INPP4B: variants seen among roughly 807,000 people sequenced by gnomAD.
INPP4B encodes inositol polyphosphate-4-phosphatase type II B, also known as inositol polyphosphate 4-phosphatase type II.
In INPP4B, 55 loss-of-function variants were observed where a neutral mutation model predicts 122.5. The ratio of observed to expected loss-of-function variants is 0.45; its 90% CI spans 0.36 to 0.56. INPP4B has a LOEUF of 0.56. INPP4B is among the 20% of genes least tolerant of loss of function. The probability of loss-of-function intolerance (pLI) is 0.00; values close to 1 mark genes in which losing one functional copy is unlikely to be tolerated. For missense variants in INPP4B, 1,000 were observed against 1,097.7 expected (o/e 0.91, Z 1.26); for synonymous variants, 403 against 388.7 (o/e 1.04, Z -0.43).
At position 142,028,379 on chromosome 4, in the gene INPP4B, A is replaced by AAATATGTTCCTTTTCCCC. The variant is rs1553951540; in HGVS notation, c.*385_*402dup. The AAATATGTTCCTTTTCCCC allele has an allele frequency of 1.3e-5, 3 of 235,732 alleles. No individual in the cohort carries two copies. The highest frequency in any genetic ancestry group is 6.6e-5 in the African/African-American group (3 of 45,286). 14.6% of individuals were successfully genotyped at this position (235,732 alleles called of 1,614,324 possible). A position where few individuals can be genotyped will look rare whatever the true frequency, so the allele number is the denominator to read the frequency against. ...AGGCTATTAAGTTGTATCACAAAAA[A>AAATATGTTCCTTTTCCCC]AATATGTTCCTTTTCCCCCTCTCCT... On this transcript the variant is annotated 3_prime_UTR_variant, in exon 26 of 26. Coordinates refer to ENST00000262992, the MANE Select transcript of INPP4B (RefSeq NM_001101669.3).
intron 2 of INPP4B, among the ~76,000 whole-genome samples, chr4:142,581,292 C>T (rs983902045): frequency 2.0e-5 from 3 of 151,984 alleles, no homozygotes; most frequent in African/African-American, 7.2e-5. Context: ...ACAAGAAAAG[C>T]ACTCAAGTAT....
intron 24 of INPP4B, among the ~76,000 whole-genome samples, chr4:142,083,115 A>C (rs63592166): frequency 6.7e-6 from 1 of 150,326 alleles, no homozygotes; most frequent in African/African-American, 2.5e-5. Context: ...AAAAAAAAAA[A>C]CCTCCCAAAT....
intron 8 of INPP4B, among the ~76,000 whole-genome samples, chr4:142,307,346 C>G (rs1763790500): frequency 6.6e-6 from 1 of 152,046 alleles, no homozygotes; most frequent in African/African-American, 2.4e-5. Flanking sequence ...TCTCTATTGA[C>G]ACTTATGACC....
At chr4:142,714,042 A>C (rs1342795488) in intron 2 of INPP4B, among the ~76,000 whole-genome samples, 1 of 152,216 alleles carries the variant, frequency 6.6e-6, no homozygotes, top group Non-Finnish European at 1.5e-5. Flanking sequence ...GGATTAAACA[A>C]AGTTAAACAG....
chr4:142,677,829 C>T (rs942596753), intron 2 of INPP4B, among the ~76,000 whole-genome samples: 1 of 151,880 alleles, frequency 6.6e-6, no homozygotes, highest in Non-Finnish European at 1.5e-5. Context: ...ACATCATATA[C>T]TGGGGTCTGC....
intron 1 of INPP4B, among the ~76,000 whole-genome samples, chr4:142,754,241 T>C: frequency 6.6e-6 from 1 of 152,062 alleles, no homozygotes; most frequent in East Asian, 1.9e-4. Context: ...GGGGTTTCTT[T>C]TGCACTCAAT....
chr4:142,075,271 G>A (rs973273829), intron 25 of INPP4B, among the ~76,000 whole-genome samples: 5 of 151,900 alleles, frequency 3.3e-5, no homozygotes, highest in African/African-American at 1.2e-4. Flanking sequence ...ACCTCCAGAG[G>A]TGGGGCTCCT....
intron 7 of INPP4B, among the ~76,000 whole-genome samples, chr4:142,328,638 T>A (rs924906847): frequency 4.5e-4 from 69 of 152,338 alleles, no homozygotes; most frequent in African/African-American, 1.6e-3. Context: ...CAGTATATTT[T>A]TTTTGGTTTT....
chr4:142,649,364 G>A (rs1752456844), intron 2 of INPP4B, among the ~76,000 whole-genome samples: 1 of 152,208 alleles, frequency 6.6e-6, no homozygotes, highest in East Asian at 1.9e-4. Context: ...GCTGGAGAGA[G>A]AAAGACTTTG....
intron 23 of INPP4B, among the ~76,000 whole-genome samples, chr4:142,096,389 T>C (rs1010160959): frequency 2.0e-5 from 3 of 152,120 alleles, no homozygotes; most frequent in Non-Finnish European, 4.4e-5. Flanking sequence ...CATTGCAACA[T>C]AGATAGTAAC....
At chr4:142,166,398 AT>A (rs1219116070) in intron 16 of INPP4B, among the ~76,000 whole-genome samples, 2 of 151,918 alleles carry the variant, frequency 1.3e-5, no homozygotes, top group Non-Finnish European at 2.9e-5. Flanking sequence ...CTCAAGATAG[AT>A]TAAAGATTTA....
At chr4:142,320,540 G>A (rs1304386030) in intron 7 of INPP4B, among the ~76,000 whole-genome samples, 1 of 152,168 alleles carries the variant, frequency 6.6e-6, no homozygotes, top group Non-Finnish European at 1.5e-5. Context: ...AACATGTGGT[G>A]TTTGGTTACA....
At chr4:142,629,693 C>T (rs761121911) in intron 2 of INPP4B, among the ~76,000 whole-genome samples, 1 of 152,024 alleles carries the variant, frequency 6.6e-6, no homozygotes, top group African/African-American at 2.4e-5. Context: ...TTCACTGTGA[C>T]AAGAATTAAG....
At position 142,292,155 on chromosome 4, in the gene INPP4B, T is replaced by C. The variant is rs192451842; in HGVS notation, c.503+13303A>G. On this transcript the variant is annotated intron_variant, in intron 9 of 25. Transcript: ENST00000262992. ...AAAACTTTATTTTTCTATTAAAGTA[T>C]AGGAGATCCTTTTCTTTAAATCTGG... Among the ~76,000 whole-genome samples the C allele has an allele frequency of 2.0e-5, 3 of 152,362 alleles. No homozygotes were observed. In the East Asian group the frequency reaches 5.8e-4, roughly 29 times the overall value.
intron 8 of INPP4B, among the ~76,000 whole-genome samples, chr4:142,309,887 T>C (rs542220147): frequency 6.6e-6 from 1 of 152,306 alleles, no homozygotes; most frequent in East Asian, 1.9e-4. Flanking sequence ...CCCTGGCCTC[T>C]CCCTACAGGG....
At chr4:142,467,305 G>T (rs555407080) in intron 2 of INPP4B, among the ~76,000 whole-genome samples, 73 of 152,316 alleles carry the variant, frequency 4.8e-4, no homozygotes, top group African/African-American at 1.7e-3. Context: ...AAGCCACAGG[G>T]GCAGGGCTTC....
At chr4:142,238,156 G>C (rs970920279) in intron 11 of INPP4B, 145 bp from the exon 12 acceptor site, 1 of 448,416 alleles carries the variant, frequency 2.2e-6, no homozygotes, top group African/African-American at 2.0e-5. Flanking sequence ...ATCCATTAGT[G>C]TATCTGAATT....
chr4:142,559,919 A>G lies in INPP4B; in HGVS notation c.-190-97193T>C, dbSNP rs140758285. Among the ~76,000 whole-genome samples the G allele has an allele frequency of 6.3e-3, 966 of 152,248 alleles. 24 individuals carry two copies. Among genetic ancestry groups the G allele is most frequent in the Admixed American group, 0.032 (496 of 15,288 alleles). ...ATTTCACTCATGAAATAGTTTTTAT[A>G]CACTTTAAAAATCTACGATAAGAAT... On this transcript the variant is annotated intron_variant, in intron 2 of 25. Coordinates refer to ENST00000262992, the MANE Select transcript of INPP4B (RefSeq NM_001101669.3).
At chr4:142,618,898 T>A (rs1307261813) in intron 2 of INPP4B, among the ~76,000 whole-genome samples, 1 of 151,560 alleles carries the variant, frequency 6.6e-6, no homozygotes, top group Admixed American at 6.6e-5. Flanking sequence ...AATAAATAAA[T>A]AAATAACAGC....
Sources: gnomAD v4.1 joint callset for allele counts (sites outside exome capture counted in the v4.1 genomes callset) on GRCh38, gnomAD v4.1.1 for gene constraint, MANE v1.5 for transcripts, NCBI Gene and HGNC (gene_info 2026-07-23, HGNC 2026-07-21) for gene names.